ZBTB20: variants seen among roughly 807,000 people sequenced by gnomAD.
The protein encoded by ZBTB20 is zinc finger and BTB domain-containing protein 20.
A neutral mutation model predicts 56.9 loss-of-function variants in ZBTB20; 9 were observed. That is an observed-to-expected ratio of 0.16 (90% CI 0.10 to 0.28). The LOEUF (loss-of-function observed/expected upper bound fraction) is 0.28, where lower values mean the gene tolerates loss of function less well. ZBTB20 is among the 10% of genes least tolerant of loss of function. ZBTB20 has a pLI of 1.00. For synonymous variants in ZBTB20, 417 were observed against 420.7 expected (o/e 0.99, Z 0.11); for missense variants, 655 against 1,003.0 (o/e 0.65, Z 4.69).
At chr3:114,669,725 G>A (rs1337676660) in intron 6 of ZBTB20, among the ~76,000 whole-genome samples, 3 of 151,090 alleles carry the variant, frequency 2.0e-5, no homozygotes, top group East Asian at 1.9e-4. Flanking sequence ...CATATGTACC[G>A]CAAACATTCA....
chr3:114,798,923 C>G (rs1268478516), intron 5 of ZBTB20, among the ~76,000 whole-genome samples: 2 of 151,484 alleles, frequency 1.3e-5, no homozygotes, highest in Non-Finnish European at 2.9e-5. Flanking sequence ...ATGAAAGAAT[C>G]CCTTTTGGAA....
At chr3:114,869,109 G>A (rs1284641505) in intron 4 of ZBTB20, among the ~76,000 whole-genome samples, 1 of 151,916 alleles carries the variant, frequency 6.6e-6, no homozygotes, top group Non-Finnish European at 1.5e-5. Flanking sequence ...CTCAACTTAG[G>A]AGGTTACTGA....
intron 7 of ZBTB20, among the ~76,000 whole-genome samples, chr3:114,427,385 C>A (rs1004655426): frequency 6.6e-6 from 1 of 152,118 alleles, no homozygotes; most frequent in African/African-American, 2.4e-5. Context: ...AGAAATATGT[C>A]CCTCACGGGA....
intron 2 of ZBTB20, among the ~76,000 whole-genome samples, chr3:115,040,346 A>T (rs2081090997): frequency 6.6e-6 from 1 of 152,092 alleles, no homozygotes; most frequent in African/African-American, 2.4e-5. Flanking sequence ...AAAGTTTAAG[A>T]TCTTATTCTA....
At chr3:114,887,341 G>T (rs1380219309) in intron 4 of ZBTB20, among the ~76,000 whole-genome samples, 2 of 152,262 alleles carry the variant, frequency 1.3e-5, no homozygotes, top group East Asian at 3.9e-4. Context: ...TCTATAGTAG[G>T]TTGAATGTTG....
intron 1 of ZBTB20, among the ~76,000 whole-genome samples, chr3:115,096,380 A>C (rs186049129): frequency 1.4e-4 from 21 of 152,350 alleles, no homozygotes; most frequent in Admixed American, 1.4e-3. Context: ...CTGGTTAAGA[A>C]AGTGAGGGAT....
intron 1 of ZBTB20, among the ~76,000 whole-genome samples, chr3:115,143,199 T>TA (rs1316314828): frequency 6.6e-6 from 1 of 152,224 alleles, no homozygotes; most frequent in African/African-American, 2.4e-5. Flanking sequence ...AAAGTATTGC[T>TA]AAAATCTTCT....
intron 3 of ZBTB20, among the ~76,000 whole-genome samples, chr3:114,909,385 A>C (rs1218746286): frequency 1.3e-5 from 2 of 152,100 alleles, no homozygotes; most frequent in African/African-American, 2.4e-5. Flanking sequence ...AAAATTCAAA[A>C]AGTTAAAAAA....
At chr3:114,680,145 G>C (rs897366003) in intron 6 of ZBTB20, among the ~76,000 whole-genome samples, 1 of 152,092 alleles carries the variant, frequency 6.6e-6, no homozygotes, top group East Asian at 1.9e-4. Flanking sequence ...GGGGGTCTAC[G>C]GCTAGGGGAG....
chr3:114,583,259 T>C (rs1391948830), intron 6 of ZBTB20, among the ~76,000 whole-genome samples: 2 of 152,204 alleles, frequency 1.3e-5, no homozygotes, highest in Non-Finnish European at 1.5e-5. Flanking sequence ...ATGGTACAGA[T>C]GTTTGAAAAA....
intron 6 of ZBTB20, among the ~76,000 whole-genome samples, chr3:114,526,968 T>C (rs1377257933): frequency 6.6e-6 from 1 of 152,148 alleles, no homozygotes; most frequent in Non-Finnish European, 1.5e-5. Context: ...AAGACTTACT[T>C]TCTTTTTTCA....
chr3:115,013,502 C>T (rs570751993), intron 2 of ZBTB20, among the ~76,000 whole-genome samples: 1 of 151,578 alleles, frequency 6.6e-6, no homozygotes, highest in Non-Finnish European at 1.5e-5. Context: ...AAAACCTGAG[C>T]AGACCAATAA....
chr3:114,639,749 C>G (rs1020845661), intron 6 of ZBTB20, among the ~76,000 whole-genome samples: 1 of 151,980 alleles, frequency 6.6e-6, no homozygotes, highest in African/African-American at 2.4e-5. Context: ...ATATCTCTCT[C>G]CCTCTCTGTC....
At chr3:114,456,692 G>C (rs2092043002) in intron 7 of ZBTB20, among the ~76,000 whole-genome samples, 1 of 152,138 alleles carries the variant, frequency 6.6e-6, no homozygotes, top group African/African-American at 2.4e-5. Context: ...TGTTCACTAA[G>C]GATTCCCTTT....
chr3:114,710,819 T>A (rs1359954475), intron 5 of ZBTB20, among the ~76,000 whole-genome samples: 4 of 152,148 alleles, frequency 2.6e-5, no homozygotes, highest in African/African-American at 4.8e-5. Context: ...CATACATGCT[T>A]AAAAAAATCC....
rs186397218 is a variant in ZBTB20 at position 115,007,806 on chromosome 3, C to T, written c.-506-33390G>A. Among the ~76,000 whole-genome samples the T allele has an allele frequency of 9.9e-5, 15 of 151,942 alleles. No individual in the cohort carries two copies. The East Asian group carries it at 1.8e-3, about 18-fold the overall frequency. On this transcript the variant is annotated intron_variant, in intron 2 of 11. Transcript: ENST00000675478. ...CCCACCAAGATCGCAAATCACAAGA[C>T]GGTCAAATCCAATTGAATATATTTT... is the stretch of plus-strand genomic sequence containing the variant.
At chr3:115,096,790 C>T (rs2083395581) in intron 1 of ZBTB20, among the ~76,000 whole-genome samples, 2 of 152,204 alleles carry the variant, frequency 1.3e-5, no homozygotes, top group South Asian at 4.1e-4. Context: ...AAAGCCAGAA[C>T]ATGTGTAGAT....
intron 4 of ZBTB20, among the ~76,000 whole-genome samples, chr3:114,889,392 A>G (rs2076723359): frequency 6.6e-6 from 1 of 151,998 alleles, no homozygotes; most frequent in South Asian, 2.1e-4. Flanking sequence ...AAATATTCTA[A>G]AGGTGGGAAC....
chr3:114,991,301 C>A (rs1197473679), intron 2 of ZBTB20, among the ~76,000 whole-genome samples: 1 of 152,008 alleles, frequency 6.6e-6, no homozygotes, highest in Non-Finnish European at 1.5e-5. Flanking sequence ...TTCTAGTATG[C>A]TGTGTCTTTG....
Sources: gnomAD v4.1 joint callset for allele counts (sites outside exome capture counted in the v4.1 genomes callset) on GRCh38, gnomAD v4.1.1 for gene constraint, MANE v1.5 for transcripts, NCBI Gene and HGNC (gene_info 2026-07-23, HGNC 2026-07-21) for gene names.